The following SLC5A10 variants were observed in gnomAD, a reference collection of about 807,000 sequenced individuals.
SLC5A10 encodes sodium/mannose cotransporter SLC5A10.
A neutral mutation model predicts 68.9 loss-of-function variants in SLC5A10; 55 were observed. The ratio of observed to expected loss-of-function variants is 0.80; its 90% CI spans 0.64 to 1.00. The LOEUF is 1.00. Among genes scored for constraint, SLC5A10 ranks in the 50% least tolerant of loss-of-function variants. SLC5A10 has a pLI of 0.00. For missense variants in SLC5A10, 732 were observed against 819.3 expected, an observed-to-expected ratio of 0.89 and a Z score of 1.30; for synonymous variants, 344 against 344.8, an observed-to-expected ratio of 1.00 and a Z score of 0.02.
At chr17:18,977,029 A>C in intron 9 of SLC5A10, 40 bp downstream of exon 9, 1 of 1,605,508 alleles carries the variant, frequency 6.2e-7, no homozygotes, top group South Asian at 1.1e-5. Flanking sequence ...GCTGCAGGGC[A>C]CCCAGGGTTC....
Position 19,000,286 on chromosome 17 carries a change from CA to C in SLC5A10, c.983-13123del, listed in dbSNP as rs1232608949. Among the ~76,000 whole-genome samples, 1 of 152,176 alleles carries C rather than the reference CA, an allele frequency of 6.6e-6. No individual in the cohort carries two copies. The highest frequency in any genetic ancestry group is 1.5e-5 in the Non-Finnish European group (1 of 68,026). ...CCTGGGACCCACCCGCCTCTTGTCC[CA>C]GGGGAGTCTAGGATCACAGGGCAGC... On this transcript the variant is annotated intron_variant, in intron 9 of 14. Transcript: ENST00000395645. The surrounding 1 kb of genome is among the most constrained non-coding windows in gnomAD (Gnocchi z 5.2).
chr17:18,993,354 G>A lies in SLC5A10; in HGVS notation c.982+16365G>A, dbSNP rs148248995. ...CCTGTCGTCACTCTGGCCTGTCTGG[G>A]TTGAGCGTGTATCACTTGCGTATTT... On this transcript the variant is annotated intron_variant, in intron 9 of 14. Transcript: ENST00000395645. Among the ~76,000 whole-genome samples, 299 of 152,314 alleles carry A rather than the reference G, an allele frequency of 2.0e-3. 1 individual carries two copies. The highest frequency in any genetic ancestry group is 6.7e-3 in the African/African-American group (279 of 41,568).
At chr17:18,961,482 G>A (rs572813656) in intron 5 of SLC5A10, among the ~76,000 whole-genome samples, 2 of 152,290 alleles carry the variant, frequency 1.3e-5, no homozygotes, top group Non-Finnish European at 2.9e-5. Flanking sequence ...CCTGTGAGTT[G>A]GTGGTAGCAA....
At chr17:19,013,277 A>G (rs1597910124) in intron 9 of SLC5A10, 133 bp from the exon 10 acceptor site, 2 of 1,450,604 alleles carry the variant, frequency 1.4e-6, no homozygotes, top group East Asian at 2.6e-5. Flanking sequence ...ACTGAGGCCC[A>G]AGGCCAAATG....
In SLC5A10 at chr17:19,003,660, T is replaced by A; in HGVS notation, c.983-9750T>A. ...GGCCAGCCCAGGTCCAGCTGCGGGATGGAGCGGTCCGACTTCTGGGGCCAG... is the reference window on the plus strand; with the variant it reads ...GGCCAGCCCAGGTCCAGCTGCGGGAAGGAGCGGTCCGACTTCTGGGGCCAG... On this transcript the variant is annotated intron_variant, in intron 9 of 14. Transcript: ENST00000395645. The surrounding 1 kb of genome is among the most constrained non-coding windows in gnomAD (Gnocchi z 4.5). 6.2e-7 allele frequency: 1 copy of A among 1,612,050 alleles called. No homozygotes were observed. Among genetic ancestry groups the A allele is most frequent in the Non-Finnish European group, 8.5e-7 (1 of 1,179,460 alleles).
At chr17:18,999,949 G>C (rs1347031323) in intron 9 of SLC5A10, among the ~76,000 whole-genome samples, 3 of 152,222 alleles carry the variant, frequency 2.0e-5, no homozygotes, top group South Asian at 2.1e-4. Flanking sequence ...TCCTGTTGAG[G>C]GGGGCTCAGC....
In SLC5A10 at chr17:19,020,190, T is replaced by C. The variant is rs760162329; in HGVS notation, c.1662T>C (p.Asp554=). 3 of 1,596,396 alleles carry C rather than the reference T, an allele frequency of 1.9e-6. No homozygotes were observed. The highest frequency in any genetic ancestry group is 2.6e-6 in the Non-Finnish European group (3 of 1,171,322). ...TTACCTGGTGGACCCTGGCTCAGGA[T>C]GTGCCCTTGGGAACTAAAGCAGGTA... The part of the protein sequence containing the change: ...ENLTWWTLAQ[D]VPLGTKAGDG... The change falls in exon 14 of 15, where the codon GAT becomes GAC. Residue 554 remains aspartate (D), a synonymous_variant. Coordinates refer to ENST00000395645, the MANE Select transcript of SLC5A10 (RefSeq NM_001042450.4).
Position 19,022,459 on chromosome 17 carries a change from C to A in SLC5A10, c.*2028C>A. 3.2e-6 allele frequency: 1 copy of A among 313,350 alleles called. No homozygotes were observed. Among genetic ancestry groups the A allele is most frequent in the Non-Finnish European group, 5.8e-6 (1 of 171,574 alleles). 19.4% of individuals were successfully genotyped at this position (313,350 alleles called of 1,614,324 possible). A position where few individuals can be genotyped will look rare whatever the true frequency, so the allele number is the denominator to read the frequency against. ...GGGTGGGATTTTGGTTAGGTCCCTG[C>A]TTCTCTTGGGATCTTATTTACCCGA... On this transcript the variant is annotated 3_prime_UTR_variant, in exon 15 of 15. Transcript: ENST00000395645.
chr17:18,977,026 G>C (rs781271717), intron 9 of SLC5A10, 37 bp downstream of exon 9: 2 of 1,605,850 alleles, frequency 1.2e-6, no homozygotes, highest in Non-Finnish European at 1.7e-6. Flanking sequence ...CAGGCTGCAG[G>C]GCACCCAGGG....
Position 18,996,082 on chromosome 17 carries a change from T to TG in SLC5A10, c.983-17328_983-17327insG, listed in dbSNP as rs2043564660. On this transcript the variant is annotated intron_variant, in intron 9 of 14. Transcript: ENST00000395645. This position sits in a 1 kb window ranked among gnomAD's most constrained non-coding sequence, Gnocchi z 4.4. The stretch of plus-strand genomic sequence containing the variant: ...AGGAACAAAGTAAGTGGACTTCTCA[T>TG]CAGAATCACTGCAAGCCACAAGACA... Among the ~76,000 whole-genome samples the TG allele has an allele frequency of 3.2e-4, 48 of 150,206 alleles. 1 individual carries two copies. The South Asian group carries it at 8.2e-3, about 26-fold the overall frequency.
Position 18,971,499 on chromosome 17 carries a change from C to G in SLC5A10, c.846+281C>G, listed in dbSNP as rs770925456. 8.1e-6 allele frequency: 13 copies of G among 1,613,920 alleles called. No homozygotes were observed. Among genetic ancestry groups the G allele is most frequent in the Non-Finnish European group, 1.1e-5 (13 of 1,180,044 alleles). On this transcript the variant is annotated intron_variant, in intron 8 of 14. Coordinates refer to ENST00000395645, the MANE Select transcript of SLC5A10 (RefSeq NM_001042450.4). The surrounding 1 kb of genome is among the most constrained non-coding windows in gnomAD (Gnocchi z 5.5). ...GGGATTCCGAAGGGACTCGGATGCT[C>G]CTCGGTGGCCCTGCCATCGGTCATG...
chr17:18,975,713 T>C (rs542053536), intron 8 of SLC5A10: 41 of 151,696 alleles, frequency 2.7e-4, no homozygotes, highest in African/African-American at 9.4e-4. Flanking sequence ...AAAAAAATCA[T>C]AGAGGCTTCC....
At chr17:18,987,059 G>A (rs547151594) in intron 9 of SLC5A10, among the ~76,000 whole-genome samples, 1 of 152,336 alleles carries the variant, frequency 6.6e-6, no homozygotes, top group East Asian at 1.9e-4. Context: ...GGACTCAACC[G>A]GAGGCGTTGG....
chr17:18,978,566 T>G (rs1597850347), intron 9 of SLC5A10: 1 of 1,613,276 alleles, frequency 6.2e-7, no homozygotes, highest in African/African-American at 1.3e-5. Context: ...GGCCTCCTGC[T>G]TCTCAGAGGA....
intron 11 of SLC5A10, among the ~76,000 whole-genome samples, chr17:19,016,328 G>A (rs1385617640): frequency 6.6e-6 from 1 of 152,172 alleles, no homozygotes; most frequent in Non-Finnish European, 1.5e-5. Context: ...ATGAGCCAGT[G>A]TGCCCAGCCC....
Position 18,968,927 on chromosome 17 carries a change from G to C in SLC5A10, c.454-125G>C. The stretch of plus-strand genomic sequence containing the variant: ...CGTGATGCAGGCAGGCAGGCGAGTG[G>C]GGGTCTCCCCTCCTTATCCACAGGC... On this transcript the variant is annotated intron_variant, in intron 5 of 14. Transcript: ENST00000395645. The surrounding 1 kb of genome is among the most constrained non-coding windows in gnomAD (Gnocchi z 4.1). The C allele has an allele frequency of 1.2e-6, 1 of 803,378 alleles. No homozygotes were observed. Among genetic ancestry groups the C allele is most frequent in the Non-Finnish European group, 1.9e-6 (1 of 520,942 alleles). The allele number at this position is 803,378 out of a possible 1,614,324, so 49.8% of individuals were successfully genotyped here. A position where few individuals can be genotyped will look rare whatever the true frequency, so the allele number is the denominator to read the frequency against.
chr17:19,022,125 G>A lies in SLC5A10; in HGVS notation c.*1694G>A, dbSNP rs2044274757. ...GGCTGAGAAGTCAAACTGGGCCTGG[G>A]CAAAGCAGGCCCCAGGTGACTGCAA... On this transcript the variant is annotated 3_prime_UTR_variant, in exon 15 of 15. Coordinates refer to ENST00000395645, the MANE Select transcript of SLC5A10 (RefSeq NM_001042450.4). 2.0e-6 allele frequency: 3 copies of A among 1,531,646 alleles called. No homozygotes were observed. The highest frequency in any genetic ancestry group is 5.0e-5 in the East Asian group (2 of 39,950). 94.9% of individuals were successfully genotyped at this position (1,531,646 alleles called of 1,614,324 possible).
In SLC5A10 at chr17:18,959,237, A is replaced by C; in HGVS notation, c.286A>C (p.Asn96His). ...GGLAVAGFEW[N>H]ATYVLLALAW... ...TCTGGCCGTGGCAGGCTTCGAGTGG[A>C]ATGTGAGTCCTGGAGGACTGGCGGC... The change falls in exon 3 of 15, where the codon AAT (asparagine) becomes CAT (histidine). Residue 96 changes from asparagine (N) to histidine (H), a missense_variant and splice_region_variant. Physicochemically the swap from Asn to His is moderately conservative, Grantham distance 68. Coordinates refer to ENST00000395645, the MANE Select transcript of SLC5A10 (RefSeq NM_001042450.4). The C allele has an allele frequency of 6.2e-7, 1 of 1,612,508 alleles. No individual in the cohort carries two copies.
intron 9 of SLC5A10, among the ~76,000 whole-genome samples, chr17:18,997,819 G>C (rs980015344): frequency 1.3e-5 from 2 of 152,206 alleles, no homozygotes; most frequent in African/African-American, 4.8e-5. Flanking sequence ...GAGGAGGCGA[G>C]GGGAGAGATC....
Sources: gnomAD v4.1 joint callset for allele counts (sites outside exome capture counted in the v4.1 genomes callset) on GRCh38, gnomAD v4.1.1 for gene constraint, Gnocchi (gnomAD v3.1) non-coding constraint, MANE v1.5 for transcripts, NCBI Gene and HGNC (gene_info 2026-07-23, HGNC 2026-07-21) for gene names.